The following ASTN2 variants were observed in gnomAD, a reference collection of about 807,000 sequenced individuals.
The protein encoded by ASTN2 is astrotactin-2.
A neutral mutation model predicts 139.8 loss-of-function variants in ASTN2; 54 were observed. That is an observed-to-expected ratio of 0.39 (90% CI 0.31 to 0.48). ASTN2 has a LOEUF of 0.48. Ranked by LOEUF, ASTN2 falls within the 20% of genes least tolerant of loss-of-function variation. The probability of loss-of-function intolerance (pLI) is 0.95; values close to 1 mark genes in which losing one functional copy is unlikely to be tolerated. For synonymous variants in ASTN2, 756 were observed against 719.5 expected (o/e 1.05, Z -0.81); for missense variants, 1,565 against 1,725.1 (o/e 0.91, Z 1.64).
At chr9:116,562,788 C>T (rs990263588) in intron 19 of ASTN2, among the ~76,000 whole-genome samples, 1 of 144,092 alleles carries the variant, frequency 6.9e-6, no homozygotes, top group Admixed American at 7.0e-5. Flanking sequence ...AAAGGTTATG[C>T]GTGATTTTGA....
At chr9:117,130,917 A>G (rs1829812865) in intron 4 of ASTN2, among the ~76,000 whole-genome samples, 1 of 152,202 alleles carries the variant, frequency 6.6e-6, no homozygotes, top group Non-Finnish European at 1.5e-5. Context: ...GCATGCTTGA[A>G]AACATCTGCT....
intron 2 of ASTN2, among the ~76,000 whole-genome samples, chr9:117,271,221 C>G (rs530261755): frequency 6.6e-6 from 1 of 152,098 alleles, no homozygotes; most frequent in Non-Finnish European, 1.5e-5. Context: ...GCTCTTCTTA[C>G]GTGGTGGCAG....
At chr9:116,844,935 C>T (rs2132311893) in intron 11 of ASTN2, among the ~76,000 whole-genome samples, 1 of 152,198 alleles carries the variant, frequency 6.6e-6, no homozygotes, top group Non-Finnish European at 1.5e-5. Context: ...CCTTATACTG[C>T]TTTGCTGAAG....
At chr9:117,137,486 T>G (rs952962720) in intron 4 of ASTN2, among the ~76,000 whole-genome samples, 3 of 152,208 alleles carry the variant, frequency 2.0e-5, no homozygotes, top group Non-Finnish European at 2.9e-5. Context: ...TGGAGGCTAA[T>G]GGAGCATTTC....
intron 1 of ASTN2, among the ~76,000 whole-genome samples, chr9:117,366,587 C>A (rs1026004697): frequency 6.6e-6 from 1 of 152,010 alleles, no homozygotes; most frequent in African/African-American, 2.4e-5. Flanking sequence ...CAGGAATGAG[C>A]CCTTATTGTA....
chr9:116,808,444 T>C (rs933627292), intron 12 of ASTN2, among the ~76,000 whole-genome samples: 4 of 152,212 alleles, frequency 2.6e-5, no homozygotes, highest in Non-Finnish European at 5.9e-5. Context: ...TTGTGAGACA[T>C]GCATTTGCAC....
At chr9:117,107,031 T>C (rs1447750730) in intron 4 of ASTN2, among the ~76,000 whole-genome samples, 3 of 152,198 alleles carry the variant, frequency 2.0e-5, no homozygotes, top group South Asian at 4.1e-4. Context: ...ATATTCTTCT[T>C]ATCTTTTTTC....
At chr9:116,930,384 A>G (rs553576086) in intron 10 of ASTN2, among the ~76,000 whole-genome samples, 1 of 152,238 alleles carries the variant, frequency 6.6e-6, no homozygotes, top group East Asian at 1.9e-4. Context: ...TTTCTTCCTT[A>G]TGTAACCAGG....
At chr9:117,174,571 C>T (rs901775160) in intron 3 of ASTN2, among the ~76,000 whole-genome samples, 2 of 151,906 alleles carry the variant, frequency 1.3e-5, no homozygotes, top group African/African-American at 4.8e-5. Flanking sequence ...CTGTGTAAAC[C>T]TCATGTTTTA....
intron 5 of ASTN2, among the ~76,000 whole-genome samples, chr9:117,051,824 C>G (rs1031233268): frequency 1.3e-5 from 2 of 152,082 alleles, no homozygotes; most frequent in Non-Finnish European, 2.9e-5. Context: ...AGAGCCAGTC[C>G]TGGGTTCCAT....
chr9:116,763,071 T>C (rs1050619637), intron 13 of ASTN2, among the ~76,000 whole-genome samples: 1 of 152,226 alleles, frequency 6.6e-6, no homozygotes, highest in African/African-American at 2.4e-5. Context: ...CATGATGCTC[T>C]CATAAGAGGC....
chr9:116,519,271 C>T (rs1217279200), intron 19 of ASTN2, among the ~76,000 whole-genome samples: 1 of 151,918 alleles, frequency 6.6e-6, no homozygotes. Flanking sequence ...AAACAAGTCT[C>T]AGTAAATTTA....
chr9:117,362,943 A>G (rs1044974027), intron 1 of ASTN2, among the ~76,000 whole-genome samples: 1 of 152,136 alleles, frequency 6.6e-6, no homozygotes, highest in African/African-American at 2.4e-5. Flanking sequence ...TTTCACTTAT[A>G]TAACTAATAA....
At chr9:116,729,224 C>T in intron 14 of ASTN2, 128 bp from the exon 15 acceptor site, 1 of 688,502 alleles carries the variant, frequency 1.5e-6, no homozygotes, top group East Asian at 2.8e-5. Flanking sequence ...CTGGGATTGA[C>T]AATTTTATGA....
chr9:116,570,557 G>A (rs960025487), intron 19 of ASTN2, among the ~76,000 whole-genome samples: 44 of 152,084 alleles, frequency 2.9e-4, no homozygotes, highest in Admixed American at 2.6e-3. Context: ...CACCATGCCC[G>A]GCTAATTTTT....
At chr9:117,028,619 G>T (rs181626806) in intron 6 of ASTN2, among the ~76,000 whole-genome samples, 2 of 152,234 alleles carry the variant, frequency 1.3e-5, no homozygotes, top group East Asian at 3.9e-4. Flanking sequence ...AGCCTTGGGA[G>T]CCTGAAGTCC....
intron 16 of ASTN2, among the ~76,000 whole-genome samples, chr9:116,725,297 G>A (rs1198726712): frequency 6.6e-6 from 1 of 152,072 alleles, no homozygotes; most frequent in Non-Finnish European, 1.5e-5. Context: ...CCACAGGACA[G>A]AATGGAAACC....
chr9:116,586,837 C>CACACACACACACACACAT (rs1854174451), intron 19 of ASTN2, among the ~76,000 whole-genome samples: 6 of 149,234 alleles, frequency 4.0e-5, no homozygotes, highest in African/African-American at 1.5e-4. Flanking sequence ...TACATACACA[C>CACACACACACACACACAT]ACACACACAC....
At chr9:117,175,053 T>A (rs1372439573) in intron 3 of ASTN2, among the ~76,000 whole-genome samples, 2 of 152,084 alleles carry the variant, frequency 1.3e-5, no homozygotes, top group Admixed American at 6.6e-5. Context: ...ATGTCATTTT[T>A]TCCACATGAA....
Sources: gnomAD v4.1 joint callset for allele counts (sites outside exome capture counted in the v4.1 genomes callset) on GRCh38, gnomAD v4.1.1 for gene constraint, MANE v1.5 for transcripts, NCBI Gene and HGNC (gene_info 2026-07-23, HGNC 2026-07-21) for gene names.